The following TAFA2 variants were observed in gnomAD, a reference collection of about 807,000 sequenced individuals.
TAFA2 encodes chemokine-like protein TAFA-2.
Under a neutral mutation model 18.8 loss-of-function variants are expected in TAFA2, and 7 were observed. The observed-to-expected ratio is 0.37, with a 90% CI of 0.21 to 0.70. TAFA2 has a LOEUF of 0.70. Among genes scored for constraint, TAFA2 ranks in the 30% least tolerant of loss-of-function variants. The pLI, the probability that TAFA2 is intolerant of heterozygous loss-of-function variation, is 0.53. For synonymous variants in TAFA2, 60 were observed against 54.2 expected (o/e 1.11, Z -0.47); for missense variants, 122 against 158.1 (o/e 0.77, Z 1.23).
At chr12:62,093,732 A>T (rs1189383211) in intron 1 of TAFA2, among the ~76,000 whole-genome samples, 1 of 152,026 alleles carries the variant, frequency 6.6e-6, no homozygotes, top group Non-Finnish European at 1.5e-5. Context: ...TGCACTCTTT[A>T]TTGCCCTCAG....
At chr12:61,801,517 CT>C (rs1871396761) in intron 2 of TAFA2, among the ~76,000 whole-genome samples, 1 of 152,050 alleles carries the variant, frequency 6.6e-6, no homozygotes, top group Non-Finnish European at 1.5e-5. Context: ...AAAGAACACT[CT>C]CTTCAATAAA....
intron 1 of TAFA2, among the ~76,000 whole-genome samples, chr12:62,039,814 A>G (rs1881710480): frequency 6.6e-6 from 1 of 152,202 alleles, no homozygotes; most frequent in Non-Finnish European, 1.5e-5. Context: ...TGCAGCATGC[A>G]TACGATTCAC....
rs368464263 is a variant in TAFA2, at chr12:62,222,836, A to G, written c.-130+35927T>C. Among the ~76,000 whole-genome samples, 3 of 152,134 alleles carry G rather than the reference A, an allele frequency of 2.0e-5. No individual in the cohort carries two copies. The East Asian group carries it at 5.8e-4, about 29-fold the overall frequency. Reference sequence around the variant, plus strand: ...GCCTCAAGGATATTATTTTTGCTCCATGAACTGAAAACAAAGAAATGCAAT... The same window carrying G: ...GCCTCAAGGATATTATTTTTGCTCCGTGAACTGAAAACAAAGAAATGCAAT... On this transcript the variant is annotated intron_variant, in intron 1 of 5. Coordinates refer to the TAFA2 transcript ENST00000551619.
intron 1 of TAFA2, among the ~76,000 whole-genome samples, chr12:62,239,679 T>A (rs1463917913): frequency 6.6e-6 from 1 of 152,180 alleles, no homozygotes; most frequent in East Asian, 1.9e-4. Flanking sequence ...AGGCCATGTG[T>A]AAGTGATCCA....
intron 1 of TAFA2, among the ~76,000 whole-genome samples, chr12:61,983,855 T>G (rs985030284): frequency 1.3e-5 from 2 of 152,190 alleles, no homozygotes; most frequent in Non-Finnish European, 2.9e-5. Flanking sequence ...TCATTGTCCT[T>G]TTTATTTATT....
intron 2 of TAFA2, among the ~76,000 whole-genome samples, chr12:61,761,433 T>A (rs1592371751): frequency 6.6e-6 from 1 of 152,144 alleles, no homozygotes; most frequent in African/African-American, 2.4e-5. Flanking sequence ...AGTAGAATAA[T>A]ATTTATGCAA....
At chr12:62,183,147 AGCC>A (rs2062562638) in intron 1 of TAFA2, among the ~76,000 whole-genome samples, 1 of 152,184 alleles carries the variant, frequency 6.6e-6, no homozygotes, top group Non-Finnish European at 1.5e-5. Context: ...ATGAAAGTGG[AGCC>A]CTCATGAATA....
rs1033607931 is a variant in TAFA2 at position 62,249,627 on chromosome 12, C to T, written c.-130+9136G>A. Among the ~76,000 whole-genome samples the T allele has an allele frequency of 7.3e-4, 111 of 152,286 alleles. 1 individual carries two copies. The highest frequency in any genetic ancestry group is 2.6e-3 in the African/African-American group (108 of 41,554). ...AGGTCAAAATTTCTGGTGTAGTCAG[C>T]AAGATTCAGAGCAACCTTCCAAATA... On this transcript the variant is annotated intron_variant, in intron 1 of 5. Transcript: ENST00000551619.
At chr12:62,024,439 T>C (rs1039285510) in intron 1 of TAFA2, among the ~76,000 whole-genome samples, 3 of 152,166 alleles carry the variant, frequency 2.0e-5, no homozygotes, top group Non-Finnish European at 4.4e-5. Context: ...CAGATTGGTT[T>C]TGCTTTGCAG....
chr12:62,074,698 ATTTTTTTTTTT>A (rs67195424), intron 1 of TAFA2, among the ~76,000 whole-genome samples: 34,081 of 137,836 alleles, frequency 0.25, 4,368 homozygotes, highest in East Asian at 0.48. Context: ...AACTACATGA[ATTTTTTTTTTT>A]TTTTTTTTTT....
rs934673827 is a variant in TAFA2, at chr12:62,136,643, T to C, written c.-2+54616A>G. On this transcript the variant is annotated intron_variant, in intron 1 of 4. Transcript: ENST00000416284. ...CAGAGAAGTTTATAATTAGCAGTGG[T>C]TGAGGGAACCAAAGACAGAAGATAT... Among the ~76,000 whole-genome samples the C allele has an allele frequency of 2.6e-5, 4 of 152,084 alleles. No individual in the cohort carries two copies. The East Asian group carries it at 7.7e-4, about 29-fold the overall frequency.
chr12:62,127,682 A>T (rs1009131781), intron 1 of TAFA2, among the ~76,000 whole-genome samples: 2 of 152,022 alleles, frequency 1.3e-5, no homozygotes, highest in African/African-American at 4.8e-5. Context: ...GTTATGAGCC[A>T]GTGCTCCCAA....
chr12:61,753,790 A>G, intron 3 of TAFA2, 44 bp from the exon 4 acceptor site: 1 of 1,572,652 alleles, frequency 6.4e-7, no homozygotes. Flanking sequence ...TTTTCTTGGG[A>G]CTTATTTCTC....
At chr12:61,838,917 C>A (rs1873051150) in intron 2 of TAFA2, among the ~76,000 whole-genome samples, 1 of 151,944 alleles carries the variant, frequency 6.6e-6, no homozygotes, top group African/African-American at 2.4e-5. Flanking sequence ...AGGGATGCTA[C>A]CAAAATCTCC....
At chr12:62,121,764 G>A (rs1282594496) in intron 1 of TAFA2, among the ~76,000 whole-genome samples, 3 of 152,180 alleles carry the variant, frequency 2.0e-5, no homozygotes, top group Non-Finnish European at 2.9e-5. Context: ...AGATAGGACA[G>A]TGACCAAGGT....
intron 1 of TAFA2, among the ~76,000 whole-genome samples, chr12:62,158,069 T>C (rs921647283): frequency 7.2e-5 from 11 of 152,204 alleles, no homozygotes; most frequent in Admixed American, 2.6e-4. Context: ...TCACATTCCC[T>C]ATAAACTTTT....
chr12:61,723,479 A>G (rs1869999424), intron 4 of TAFA2, among the ~76,000 whole-genome samples: 1 of 152,092 alleles, frequency 6.6e-6, no homozygotes, highest in South Asian at 2.1e-4. Flanking sequence ...TTCTCTGTAA[A>G]CAGCAAGGGG....
intron 1 of TAFA2, among the ~76,000 whole-genome samples, chr12:61,936,208 A>C (rs577218397): frequency 2.9e-4 from 44 of 152,330 alleles, no homozygotes; most frequent in South Asian, 8.3e-4. Flanking sequence ...ACATCACATA[A>C]ACAGAATTAA....
intron 2 of TAFA2, among the ~76,000 whole-genome samples, chr12:61,764,454 A>G (rs1033463932): frequency 7.2e-5 from 11 of 151,986 alleles, no homozygotes; most frequent in African/African-American, 2.7e-4. Flanking sequence ...GAATGACCCA[A>G]TGGGAGAAAG....
Sources: gnomAD v4.1 joint callset for allele counts (sites outside exome capture counted in the v4.1 genomes callset) on GRCh38, gnomAD v4.1.1 for gene constraint, MANE v1.5 for transcripts, NCBI Gene and HGNC (gene_info 2026-07-23, HGNC 2026-07-21) for gene names.